ELOVL4: variants seen among roughly 807,000 people sequenced by gnomAD.
The protein encoded by ELOVL4 is ELOVL fatty acid elongase 4, also known as very long chain fatty acid elongase 4.
ELOVL4 carries 18 observed loss-of-function variants against 42.1 expected under a neutral mutation model. The observed-to-expected ratio is 0.43, with a 90% CI of 0.30 to 0.63. ELOVL4 has a LOEUF of 0.63. Among genes scored for constraint, ELOVL4 ranks in the 30% least tolerant of loss-of-function variants. The pLI, the probability that ELOVL4 is intolerant of heterozygous loss-of-function variation, is 0.15. For missense variants in ELOVL4, 299 were observed against 376.2 expected (o/e 0.79, Z 1.70); for synonymous variants, 117 against 127.0 (o/e 0.92, Z 0.53).
intron 1 of ELOVL4, among the ~76,000 whole-genome samples, chr6:79,943,614 T>G (rs753009503): frequency 2.6e-5 from 4 of 152,192 alleles, no homozygotes; most frequent in Non-Finnish European, 5.9e-5. Context: ...CAGATCACAC[T>G]GCCTCCAGAC....
intron 1 of ELOVL4, among the ~76,000 whole-genome samples, chr6:79,944,145 T>C (rs900385744): frequency 6.6e-6 from 1 of 152,210 alleles, no homozygotes; most frequent in African/African-American, 2.4e-5. Flanking sequence ...AAACATTTAT[T>C]AAAAGCATGA....
At chr6:79,928,727 G>GTT (rs34673896) in intron 1 of ELOVL4, among the ~76,000 whole-genome samples, 2,077 of 75,576 alleles carry the variant, frequency 0.027, 174 homozygotes, top group African/African-American at 0.038. Context: ...TGGTGACTGG[G>GTT]TTTTTTTTTT....
chr6:79,921,029 A>G (rs1476850979), intron 4 of ELOVL4, among the ~76,000 whole-genome samples: 2 of 152,166 alleles, frequency 1.3e-5, no homozygotes, highest in Non-Finnish European at 2.9e-5. Flanking sequence ...TTTGGATCAG[A>G]ACTACTAGAC....
intron 2 of ELOVL4, 145 bp from the exon 3 acceptor site, chr6:79,925,177 T>C (rs1774323373): frequency 6.5e-6 from 4 of 618,530 alleles, no homozygotes; most frequent in East Asian, 5.6e-5. Context: ...ATTTCATGCA[T>C]TCCGATTGCT....
chr6:79,947,044 G>GC, intron 1 of ELOVL4, 136 bp downstream of exon 1: 5 of 722,288 alleles, frequency 6.9e-6, no homozygotes, highest in East Asian at 2.7e-5. Flanking sequence ...GCCCGCGCCG[G>GC]CCCCTCCGCT....
chr6:79,920,054 G>T (rs1774226738), intron 4 of ELOVL4, among the ~76,000 whole-genome samples: 1 of 152,046 alleles, frequency 6.6e-6, no homozygotes, highest in Admixed American at 6.6e-5. Context: ...TTTCTTTTCA[G>T]AATATTAATT....
intron 1 of ELOVL4, among the ~76,000 whole-genome samples, chr6:79,934,626 C>A (rs1393979625): frequency 6.6e-6 from 1 of 152,102 alleles, no homozygotes; most frequent in Non-Finnish European, 1.5e-5. Flanking sequence ...TTCTTCTCAA[C>A]CTAGAGAGTT....
Position 79,916,187 on chromosome 6 carries a change from C to A in ELOVL4, c.*421G>T. On this transcript the variant is annotated 3_prime_UTR_variant, in exon 6 of 6. Coordinates refer to ENST00000369816, the MANE Select transcript of ELOVL4 (RefSeq NM_022726.4). ...AGCTTTGGACAAGAAAATGTAACAC[C>A]ACTGATTTCAGTCAGTAGATAAGAT... 5.4e-6 allele frequency: 1 copy of A among 186,570 alleles called. No individual in the cohort carries two copies. Among genetic ancestry groups the A allele is most frequent in the East Asian group, 1.3e-4 (1 of 7,516 alleles). 11.6% of individuals were successfully genotyped at this position (186,570 alleles called of 1,614,324 possible).
At chr6:79,924,153 A>G (rs1774306167) in intron 3 of ELOVL4, among the ~76,000 whole-genome samples, 1 of 152,324 alleles carries the variant, frequency 6.6e-6, no homozygotes, top group East Asian at 1.9e-4. Context: ...ATAAAATATA[A>G]CATCTTGTTA....
Position 79,919,465 on chromosome 6 carries a change from A to C in ELOVL4, c.624T>G (p.Ile208Met), listed in dbSNP as rs1774215745. The change falls in exon 5 of 6, where the codon ATT becomes ATG. Residue 208 changes from isoleucine to methionine, a missense_variant. Physicochemically the swap from Ile to Met is conservative, Grantham distance 10. Coordinates refer to ENST00000369816, the MANE Select transcript of ELOVL4 (RefSeq NM_022726.4). ...ATCGTTTCCACCAAAGATATTTCTGAATCCATGGGCCAAATGCAGTTAACC... is the reference window on the plus strand; with the variant it reads ...ATCGTTTCCACCAAAGATATTTCTGCATCCATGGGCCAAATGCAGTTAACC... ...YYGLTAFGPW[I>M]QKYLWWKRYL... is the part of the protein sequence containing the mutation. The C allele has an allele frequency of 1.1e-5, 17 of 1,613,720 alleles. No homozygotes were observed. The highest frequency in any genetic ancestry group is 1.4e-5 in the Non-Finnish European group (17 of 1,179,834).
chr6:79,945,046 C>A (rs1416199458), intron 1 of ELOVL4, among the ~76,000 whole-genome samples: 1 of 142,276 alleles, frequency 7.0e-6, no homozygotes, highest in Non-Finnish European at 1.5e-5. Context: ...GGAGAGTAAA[C>A]GTAAATGGGA....
rs1466363228 is a variant in ELOVL4 at position 79,916,091 on chromosome 6, G to C, written c.*517C>G. On this transcript the variant is annotated 3_prime_UTR_variant, in exon 6 of 6. Coordinates refer to ENST00000369816, the MANE Select transcript of ELOVL4 (RefSeq NM_022726.4). ...CAACCAAAATTATACTCTGACTAGA[G>C]GTGGAGAGATTTGACCATTCCGGTC... The C allele has an allele frequency of 6.2e-6, 1 of 160,616 alleles. No individual in the cohort carries two copies. The highest frequency in any genetic ancestry group is 2.4e-5 in the African/African-American group (1 of 41,490). 9.9% of individuals were successfully genotyped at this position (160,616 alleles called of 1,614,324 possible).
At chr6:79,933,198 T>C (rs1458614863) in intron 1 of ELOVL4, among the ~76,000 whole-genome samples, 1 of 151,956 alleles carries the variant, frequency 6.6e-6, no homozygotes, top group East Asian at 1.9e-4. Flanking sequence ...ATCATGTAGA[T>C]AATGAAGAGA....
chr6:79,916,541 T>G lies in ELOVL4; in HGVS notation c.*67A>C. On this transcript the variant is annotated 3_prime_UTR_variant, in exon 6 of 6. Transcript: ENST00000369816. ...CCCAAGCTCTCCTTTGCTTCTGTTT[T>G]CCCTGAAATTTTATATGATATGGGA... The G allele has an allele frequency of 1.3e-6, 2 of 1,598,260 alleles. No individual in the cohort carries two copies. The highest frequency in any genetic ancestry group is 2.7e-5 in the African/African-American group (2 of 74,676).
chr6:79,939,266 T>C (rs900553434), intron 1 of ELOVL4, among the ~76,000 whole-genome samples: 17 of 152,236 alleles, frequency 1.1e-4, no homozygotes, highest in African/African-American at 4.1e-4. Flanking sequence ...AATTTTATAA[T>C]ATATGAAATT....
intron 1 of ELOVL4, among the ~76,000 whole-genome samples, chr6:79,940,798 T>C (rs1227611824): frequency 3.9e-5 from 6 of 152,194 alleles, no homozygotes; most frequent in Non-Finnish European, 1.5e-5. Flanking sequence ...TAATATATAA[T>C]TGAGATAATT....
chr6:79,947,063 G>C (rs1774757939), intron 1 of ELOVL4, 117 bp downstream of exon 1: 1 of 830,148 alleles, frequency 1.2e-6, no homozygotes, highest in Non-Finnish European at 2.0e-6. Context: ...CTGATCCGCA[G>C]CATCCGAAAG....
At chr6:79,917,020 A>G (rs1366868328) in intron 5 of ELOVL4, 137 bp from the exon 6 acceptor site, 1 of 884,362 alleles carries the variant, frequency 1.1e-6, no homozygotes, top group Non-Finnish European at 1.8e-6. Context: ...TCTGGCTCCC[A>G]TGGCTAGCTC....
In ELOVL4 at chr6:79,916,750, C is replaced by T. The variant is rs946012914; in HGVS notation, c.803G>A (p.Arg268Gln). 13 of 1,613,778 alleles carry T rather than the reference C, an allele frequency of 8.1e-6. No homozygotes were observed. Among genetic ancestry groups the T allele is most frequent in the South Asian group, 3.3e-5 (3 of 91,074 alleles). Residue 268 changes from arginine to glutamine, a missense_variant, in exon 6 of 6, where the codon CGG becomes CAG. By Grantham distance (43) the Arg-to-Gln change is conservative. Coordinates refer to ENST00000369816, the MANE Select transcript of ELOVL4 (RefSeq NM_022726.4). ...FIFLFLNFYI[R>Q]TYKEPKKPKA... ...TGGTTTCTTAGGCTCTTTGTATGTC[C>T]GAATGTAGAAGTTAAGAAAGAGAAA...
Sources: gnomAD v4.1 joint callset for allele counts (sites outside exome capture counted in the v4.1 genomes callset) on GRCh38, gnomAD v4.1.1 for gene constraint, MANE v1.5 for transcripts, NCBI Gene and HGNC (gene_info 2026-07-23, HGNC 2026-07-21) for gene names.